MERTK: variants seen among roughly 807,000 people sequenced by gnomAD.
The protein encoded by MERTK is tyrosine-protein kinase Mer.
In MERTK, 69 loss-of-function variants were observed where a neutral mutation model predicts 99.3. The observed-to-expected ratio is 0.70, with a 90% CI of 0.57 to 0.85. The LOEUF is 0.85. MERTK is among the 40% of genes least tolerant of loss of function. MERTK has a pLI of 0.00. For missense variants in MERTK, 1,125 were observed against 1,249.4 expected (o/e 0.90, Z 1.50); for synonymous variants, 426 against 467.6 (o/e 0.91, Z 1.15).
At chr2:111,958,932 A>C (rs150691901) in intron 4 of MERTK, among the ~76,000 whole-genome samples, 9 of 143,320 alleles carry the variant, frequency 6.3e-5, no homozygotes, top group South Asian at 2.1e-4. Flanking sequence ...GTTTGTATTC[A>C]AGGGTTTCCT....
chr2:111,941,169 C>T (rs1189270567), intron 2 of MERTK: 2 of 329,650 alleles, frequency 6.1e-6, no homozygotes, highest in African/African-American at 2.1e-5. Context: ...GGTAGTTTGG[C>T]TGGGTACAGA....
At chr2:112,016,513 G>A (rs1235078356) in intron 15 of MERTK, among the ~76,000 whole-genome samples, 1 of 152,168 alleles carries the variant, frequency 6.6e-6, no homozygotes, top group East Asian at 1.9e-4. Flanking sequence ...ACTATTATCA[G>A]TGCATTTGAT....
chr2:111,916,993 T>C (rs1173261810), intron 1 of MERTK, among the ~76,000 whole-genome samples: 1 of 152,192 alleles, frequency 6.6e-6, no homozygotes, highest in East Asian at 1.9e-4. Context: ...CTTCCACTGA[T>C]ACCTCTCTGG....
Position 111,974,796 on chromosome 2 carries a change from A to G in MERTK, c.961-493A>G, listed in dbSNP as rs113156881. Among the ~76,000 whole-genome samples, 161 of 138,300 alleles carry G rather than the reference A, an allele frequency of 1.2e-3. 1 individual carries two copies. Among genetic ancestry groups the G allele is most frequent in the African/African-American group, 4.0e-3 (154 of 38,982 alleles). The allele number at this position is 138,300 out of a possible 152,430, so 90.7% of individuals were successfully genotyped here. A position where few individuals can be genotyped will look rare whatever the true frequency, so the allele number is the denominator to read the frequency against. ...AAAAAAAAAAAAAAAAAAAAAAGAA[A>G]GAAAAGAAAAGAAAAGAAAAAGAAA... On this transcript the variant is annotated intron_variant, in intron 6 of 18. Coordinates refer to ENST00000295408, the MANE Select transcript of MERTK (RefSeq NM_006343.3).
At chr2:111,963,232 C>T (rs554151934) in intron 4 of MERTK, among the ~76,000 whole-genome samples, 115 of 152,340 alleles carry the variant, frequency 7.5e-4, no homozygotes, top group Non-Finnish European at 1.4e-3. Flanking sequence ...AGCCCTAAGG[C>T]GGTTTTCCCC....
At chr2:112,001,904 A>G (rs1358794482) in intron 11 of MERTK, among the ~76,000 whole-genome samples, 4 of 152,120 alleles carry the variant, frequency 2.6e-5, no homozygotes, top group Non-Finnish European at 4.4e-5. Flanking sequence ...GGTGTAGAAT[A>G]TTATTAATTT....
intron 4 of MERTK, among the ~76,000 whole-genome samples, chr2:111,960,300 G>A (rs1289406006): frequency 6.6e-6 from 1 of 151,914 alleles, no homozygotes; most frequent in African/African-American, 2.4e-5. Context: ...GGCCAACATG[G>A]TAAAACCCTG....
At chr2:111,915,635 G>T (rs761853001) in intron 1 of MERTK, among the ~76,000 whole-genome samples, 4 of 151,982 alleles carry the variant, frequency 2.6e-5, no homozygotes, top group African/African-American at 9.7e-5. Context: ...GCGGCTGGGC[G>T]TGGTAATCCC....
In MERTK at chr2:111,985,287, G is replaced by T. The variant is rs189744929; in HGVS notation, c.1296+2294G>T. Among the ~76,000 whole-genome samples, 437 of 152,282 alleles carry T rather than the reference G, an allele frequency of 2.9e-3. 3 individuals carry two copies. The highest frequency in any genetic ancestry group is 6.4e-3 in the African/African-American group (264 of 41,538). On this transcript the variant is annotated intron_variant, in intron 8 of 18. Coordinates refer to ENST00000295408, the MANE Select transcript of MERTK (RefSeq NM_006343.3). Reference sequence around the variant, plus strand: ...ATACAGCAGCAGGAAAGGCAGCTGGGTGATGATGCCTGGGTGTGATTAGGT... The same window carrying T: ...ATACAGCAGCAGGAAAGGCAGCTGGTTGATGATGCCTGGGTGTGATTAGGT...
At chr2:111,966,241 A>G (rs1685356106) in intron 5 of MERTK, among the ~76,000 whole-genome samples, 1 of 152,236 alleles carries the variant, frequency 6.6e-6, no homozygotes, top group Admixed American at 6.5e-5. Flanking sequence ...AAGGTTGGGT[A>G]CATACAGAAG....
rs536911545 is a variant in MERTK, at chr2:111,996,294, T to C, written c.1451-1029T>C. On this transcript the variant is annotated intron_variant, in intron 9 of 18. Coordinates refer to ENST00000295408, the MANE Select transcript of MERTK (RefSeq NM_006343.3). ...GGCATAAAGCATAAACTCGGGCTGC[T>C]GGCTCTTCAGGCCACCAACCATCGT... 3.5e-4 allele frequency: 54 copies of C among 154,466 alleles called. 1 individual carries two copies. In the South Asian group the frequency reaches 9.6e-3, roughly 27 times the overall value. The allele number at this position is 154,466 out of a possible 1,614,324, so 9.6% of individuals were successfully genotyped here.
chr2:111,926,436 C>T (rs1684568803), intron 1 of MERTK, among the ~76,000 whole-genome samples: 1 of 152,002 alleles, frequency 6.6e-6, no homozygotes, highest in Admixed American at 6.6e-5. Context: ...CTTCAAAGTA[C>T]ATGAATAAAG....
At position 112,019,419 on chromosome 2, in the gene MERTK, C is replaced by T. The variant is rs1302632924; in HGVS notation, c.2086C>T (p.Pro696Ser). Residue 696 changes from proline to serine, a missense_variant, in exon 16 of 19, where the codon CCT becomes TCT. By Grantham distance (74) the Pro-to-Ser change is moderately conservative. Coordinates refer to ENST00000295408, the MANE Select transcript of MERTK (RefSeq NM_006343.3). ...TGTTTCCTCTATCATCTAGCATATT[C>T]CTCTGCAGACACTATTGAAGTTCAT... ...SRLETGPKHI[P>S]LQTLLKFMVD... 9.9e-6 allele frequency: 16 copies of T among 1,609,206 alleles called. No individual in the cohort carries two copies. The highest frequency in any genetic ancestry group is 1.6e-4 in the Middle Eastern group (1 of 6,076).
chr2:111,975,861 C>G (rs141949958), intron 7 of MERTK, among the ~76,000 whole-genome samples: 22 of 152,216 alleles, frequency 1.4e-4, no homozygotes, highest in African/African-American at 5.3e-4. Flanking sequence ...CGGAGACCAG[C>G]TGAGTGTCCT....
intron 2 of MERTK, among the ~76,000 whole-genome samples, chr2:111,944,268 C>A (rs1199981884): frequency 6.9e-6 from 1 of 145,732 alleles, no homozygotes; most frequent in Non-Finnish European, 1.5e-5. Flanking sequence ...CCATTGTACT[C>A]CAGCCTGGGC....
At chr2:112,011,479 C>T (rs1573639607) in intron 15 of MERTK, among the ~76,000 whole-genome samples, 1 of 152,098 alleles carries the variant, frequency 6.6e-6, no homozygotes, top group African/African-American at 2.4e-5. Flanking sequence ...TGCCCAGGTG[C>T]GGTGGCTCAT....
At chr2:111,937,654 C>G (rs1684787967) in intron 2 of MERTK, among the ~76,000 whole-genome samples, 1 of 152,100 alleles carries the variant, frequency 6.6e-6, no homozygotes, top group African/African-American at 2.4e-5. Flanking sequence ...TTCTGCTGCT[C>G]TTGGTGGCAA....
chr2:111,974,822 G>C (rs1468912259), intron 6 of MERTK, among the ~76,000 whole-genome samples: 1 of 125,650 alleles, frequency 8.0e-6, no homozygotes. Context: ...GAAAAAGAAA[G>C]CAAGAAACCC....
intron 13 of MERTK, among the ~76,000 whole-genome samples, chr2:112,007,855 T>G (rs550247115): frequency 1.2e-5 from 1 of 82,744 alleles, no homozygotes; most frequent in African/African-American, 4.2e-5. Flanking sequence ...GGTGTTGGGG[T>G]TTTTTTTTTG....
Sources: allele counts gnomAD v4.1 joint callset (sites outside exome capture counted in the v4.1 genomes callset), GRCh38; gene constraint gnomAD v4.1.1; transcripts MANE v1.5; gene names NCBI Gene and HGNC (gene_info 2026-07-23, HGNC 2026-07-21).